TMCO1: variants seen among roughly 807,000 people sequenced by gnomAD.
TMCO1 encodes the protein calcium load-activated calcium channel.
Under a neutral mutation model 29.3 loss-of-function variants are expected in TMCO1, and 29 were observed. The observed-to-expected ratio is 0.99, with a 90% confidence interval of 0.74 to 1.35. The LOEUF is 1.35. Among genes scored for constraint, TMCO1 ranks in the 40% most tolerant of loss-of-function variants. The probability of loss-of-function intolerance (pLI) is 0.00; values close to 1 mark genes in which losing one functional copy is unlikely to be tolerated. For synonymous variants in TMCO1, 80 were observed against 77.1 expected (o/e 1.04, Z -0.20); for missense variants, 173 against 225.5 (o/e 0.77, Z 1.49).
intron 6 of TMCO1, among the ~76,000 whole-genome samples, chr1:165,736,884 C>T (rs561778689): frequency 3.9e-4 from 60 of 152,284 alleles, no homozygotes; most frequent in Non-Finnish European, 8.1e-4. Flanking sequence ...TTACCACAAA[C>T]CCGATCTCCA....
downstream of TMCO1, chr1:165,725,022 CTCTATATATA>C (rs768570667): frequency 1.2e-3 from 121 of 99,564 alleles, 2 homozygotes; most frequent in East Asian, 5.7e-3. Flanking sequence ...CTCTCTCTCT[CTCTATATATA>C]TATATATATA....
chr1:165,749,696 G>GA (rs1302404691), intron 5 of TMCO1, among the ~76,000 whole-genome samples: 1 of 151,768 alleles, frequency 6.6e-6, no homozygotes, highest in Non-Finnish European at 1.5e-5. Flanking sequence ...AAAAAAACAG[G>GA]AAAAAAATTT....
chr1:165,752,734 C>T (rs913354432), intron 4 of TMCO1, among the ~76,000 whole-genome samples: 3 of 151,392 alleles, frequency 2.0e-5, no homozygotes, highest in African/African-American at 7.3e-5. Flanking sequence ...GCGGAGGTTG[C>T]AGTGAGCCGA....
At chr1:165,740,071 T>A (rs2101795915) in intron 6 of TMCO1, among the ~76,000 whole-genome samples, 1 of 152,056 alleles carries the variant, frequency 6.6e-6, no homozygotes, top group African/African-American at 2.4e-5. Flanking sequence ...GAGATCGAGC[T>A]ATTGCACTCC....
intron 2 of TMCO1, among the ~76,000 whole-genome samples, chr1:165,763,434 A>G (rs1652465174): frequency 6.6e-6 from 1 of 152,328 alleles, no homozygotes; most frequent in Middle Eastern, 3.4e-3. Flanking sequence ...CTGATCACAT[A>G]AATAAAAATA....
intron 2 of TMCO1, among the ~76,000 whole-genome samples, chr1:165,767,517 T>C (rs1652616803): frequency 1.3e-5 from 2 of 152,178 alleles, no homozygotes; most frequent in Non-Finnish European, 1.5e-5. Context: ...CCTCCAAACA[T>C]GCCTTAAATG....
chr1:165,728,449 G>A (rs1650992846), intron 6 of TMCO1, among the ~76,000 whole-genome samples: 1 of 151,870 alleles, frequency 6.6e-6, no homozygotes. Context: ...GTAGAGACAG[G>A]GTTTCATCAT....
intron 5 of TMCO1, among the ~76,000 whole-genome samples, chr1:165,746,622 T>C (rs1311053229): frequency 6.6e-6 from 1 of 152,170 alleles, no homozygotes; most frequent in African/African-American, 2.4e-5. Flanking sequence ...GGATAACATA[T>C]CACATATGCT....
Position 165,728,025 on chromosome 1 carries a change from A to G in TMCO1, c.565T>C (p.Ter189ArgextTer12), listed in dbSNP as rs1650974706. The change falls in exon 7 of 7, where the codon TGA (stop) becomes CGA (arginine). Residue 189 changes from the stop codon to arginine (R), a stop_lost. Coordinates refer to ENST00000367881, the MANE Select transcript of TMCO1 (RefSeq NM_019026.6). Reference protein sequence around the residue: ...GPPPPSGKFS* With the variant: ...GPPPPSGKFSR Reference sequence around the variant, plus strand: ...TAGAAAATAAAGAGTTCTTGAGTTCAAGAGAACTTCCCAGAAGGAGGTGGT... The same window carrying G: ...TAGAAAATAAAGAGTTCTTGAGTTCGAGAGAACTTCCCAGAAGGAGGTGGT... 1.2e-6 allele frequency: 2 copies of G among 1,604,304 alleles called. No individual in the cohort carries two copies. Among genetic ancestry groups the G allele is most frequent in the African/African-American group, 2.7e-5 (2 of 74,664 alleles).
In TMCO1 at chr1:165,763,737, C is replaced by T. The variant is rs1483651518; in HGVS notation, c.149-4153G>A. Among the ~76,000 whole-genome samples, 6 of 152,174 alleles carry T rather than the reference C, an allele frequency of 3.9e-5. No individual in the cohort carries two copies. In the East Asian group the frequency reaches 1.2e-3, roughly 29 times the overall value. On this transcript the variant is annotated intron_variant, in intron 2 of 6. Coordinates refer to ENST00000367881, the MANE Select transcript of TMCO1 (RefSeq NM_019026.6). ...GCCTCCTGAGCTCAAGCAATCCTCCCACCTCAGCCTCCCAAGTAGTTGGGA... is the reference window on the plus strand; with the variant it reads ...GCCTCCTGAGCTCAAGCAATCCTCCTACCTCAGCCTCCCAAGTAGTTGGGA...
In TMCO1 at chr1:165,768,256, G is replaced by A. The variant is rs936081132; in HGVS notation, c.84C>T (p.Val28=). 2 of 1,613,806 alleles carry A rather than the reference G, an allele frequency of 1.2e-6. No homozygotes were observed. The highest frequency in any genetic ancestry group is 1.7e-5 in the Admixed American group (1 of 59,990). Reference sequence around the variant, plus strand: ...TGTACTTGTCTGTCCTGTAAACCAGGACCCAGGTTATGCCTAAAACATTAA... The same window carrying A: ...TGTACTTGTCTGTCCTGTAAACCAGAACCCAGGTTATGCCTAAAACATTAA... ...TALLAEGITW[V]LVYRTDKYKR... Residue 28 remains valine, a synonymous_variant, in exon 2 of 7, where the codon GTC becomes GTT. Transcript: ENST00000367881.
At chr1:165,766,695 G>A (rs759920379) in intron 2 of TMCO1, among the ~76,000 whole-genome samples, 21 of 152,056 alleles carry the variant, frequency 1.4e-4, no homozygotes, top group Admixed American at 4.6e-4. Context: ...CAGGAGGATC[G>A]CTTAAGCCTG....
rs755191842 is a variant in TMCO1, at chr1:165,727,692, C to T, written c.*331G>A. ...TAAATGCTCATAGACAGCCAACTTG[C>T]AGGGCATACACAGTGCCTTGAGAGT... On this transcript the variant is annotated 3_prime_UTR_variant, in exon 7 of 7. Transcript: ENST00000367881. The T allele has an allele frequency of 8.8e-6, 4 of 454,616 alleles. No individual in the cohort carries two copies. The highest frequency in any genetic ancestry group is 6.2e-5 in the South Asian group (4 of 64,482). 28.2% of individuals were successfully genotyped at this position (454,616 alleles called of 1,614,324 possible).
rs149655692 is a variant in TMCO1 at position 165,732,831 on chromosome 1, A to G, written c.469-4710T>C. Among the ~76,000 whole-genome samples, 524 of 152,330 alleles carry G rather than the reference A, an allele frequency of 3.4e-3. 5 individuals are homozygous for G. The highest frequency in any genetic ancestry group is 0.012 in the African/African-American group (495 of 41,588). On this transcript the variant is annotated intron_variant, in intron 6 of 6. Transcript: ENST00000367881. Reference sequence around the variant, plus strand: ...GTATTTAAGAATATATAGTAAGATAACAGTTGTATTAATAATAGTTGTATA... The same window carrying G: ...GTATTTAAGAATATATAGTAAGATAGCAGTTGTATTAATAATAGTTGTATA...
chr1:165,729,039 G>A (rs1215237075), intron 6 of TMCO1, among the ~76,000 whole-genome samples: 2 of 146,560 alleles, frequency 1.4e-5, no homozygotes, highest in African/African-American at 5.1e-5. Context: ...CTAGGAGGCA[G>A]AGGCTGCGTG....
intron 6 of TMCO1, among the ~76,000 whole-genome samples, chr1:165,735,804 C>G (rs888450645): frequency 2.6e-5 from 4 of 152,184 alleles, no homozygotes; most frequent in African/African-American, 4.8e-5. Context: ...CATGAGCCAC[C>G]ACGCCTGGGT....
At chr1:165,766,390 G>T (rs1652569113) in intron 2 of TMCO1, among the ~76,000 whole-genome samples, 1 of 152,170 alleles carries the variant, frequency 6.6e-6, no homozygotes, top group Admixed American at 6.5e-5. Flanking sequence ...ACAGCCAAAA[G>T]ATAAGTTCAC....
chr1:165,736,172 G>A (rs530323119), intron 6 of TMCO1, among the ~76,000 whole-genome samples: 15 of 152,298 alleles, frequency 9.8e-5, no homozygotes, highest in African/African-American at 3.4e-4. Context: ...ACCAGACACC[G>A]AATTTGCCTT....
chr1:165,741,847 A>C (rs925895581), intron 6 of TMCO1, among the ~76,000 whole-genome samples: 1 of 151,910 alleles, frequency 6.6e-6, no homozygotes, highest in Non-Finnish European at 1.5e-5. Flanking sequence ...TCTTGTTCCT[A>C]CTCTTGCCAT....
Sources: gnomAD v4.1 joint callset for allele counts (sites outside exome capture counted in the v4.1 genomes callset) on GRCh38, gnomAD v4.1.1 for gene constraint, MANE v1.5 for transcripts, NCBI Gene and HGNC (gene_info 2026-07-23, HGNC 2026-07-21) for gene names.